Variants in ASB3 observed in about 807,000 individuals in gnomAD.
ASB3 encodes the protein ankyrin repeat and SOCS box protein 3.
In ASB3, 41 loss-of-function variants were observed where a neutral mutation model predicts 54.5. The observed-to-expected ratio is 0.75, with a 90% CI of 0.59 to 0.98. ASB3 has a LOEUF of 0.98. Among genes scored for constraint, ASB3 ranks in the 50% least tolerant of loss-of-function variants. The pLI is 0.00. For synonymous variants in ASB3, 266 were observed against 221.2 expected, an observed-to-expected ratio of 1.20 and a Z score of -1.80; for missense variants, 733 against 620.0, an observed-to-expected ratio of 1.18 and a Z score of -1.94.
intron 6 of ASB3, among the ~76,000 whole-genome samples, chr2:53,716,298 G>C (rs779205957): frequency 6.5e-4 from 99 of 152,126 alleles, no homozygotes; most frequent in Non-Finnish European, 2.1e-4. Context: ...GCCATAACTA[G>C]AGAAATCAAT....
intron 9 of ASB3, among the ~76,000 whole-genome samples, chr2:53,670,934 C>T (rs1487481845): frequency 4.9e-4 from 74 of 152,260 alleles, no homozygotes; most frequent in Non-Finnish European, 4.4e-5. Flanking sequence ...GCCGCAAACA[C>T]TAAATGCTCA....
chr2:53,726,204 C>T (rs902347253), intron 5 of ASB3, among the ~76,000 whole-genome samples: 2 of 150,834 alleles, frequency 1.3e-5, no homozygotes, highest in Non-Finnish European at 3.0e-5. Context: ...GACAAGAAAA[C>T]ACACCTGACA....
At chr2:53,744,648 CCAAAG>C (rs1486020180) in intron 3 of ASB3, among the ~76,000 whole-genome samples, 12 of 151,920 alleles carry the variant, frequency 7.9e-5, no homozygotes, top group East Asian at 3.9e-4. Flanking sequence ...AAAAAAACCT[CCAAAG>C]CAAAGTTTTA....
At chr2:53,735,254 C>A (rs1224196298) in intron 3 of ASB3, among the ~76,000 whole-genome samples, 1 of 152,022 alleles carries the variant, frequency 6.6e-6, no homozygotes, top group Non-Finnish European at 1.5e-5. Context: ...TTGTTCAATT[C>A]TGAAACGTTA....
chr2:53,687,965 T>C (rs1668718901), intron 9 of ASB3, among the ~76,000 whole-genome samples: 2 of 152,086 alleles, frequency 1.3e-5, no homozygotes, highest in Non-Finnish European at 2.9e-5. Context: ...CTACAGTCAT[T>C]CACCACCATG....
At chr2:53,675,067 T>G (rs1313393304) in intron 9 of ASB3, among the ~76,000 whole-genome samples, 6 of 152,168 alleles carry the variant, frequency 3.9e-5, no homozygotes, top group Non-Finnish European at 8.8e-5. Flanking sequence ...TTCAGTTACC[T>G]TTCCATAAAA....
At chr2:53,741,515 G>A (rs1328041391) in intron 3 of ASB3, among the ~76,000 whole-genome samples, 1 of 152,172 alleles carries the variant, frequency 6.6e-6, no homozygotes, top group African/African-American at 2.4e-5. Context: ...TTTATATAAT[G>A]GTTCAAGCTT....
intron 5 of ASB3, among the ~76,000 whole-genome samples, chr2:53,724,733 G>A (rs559648692): frequency 7.2e-5 from 11 of 152,102 alleles, no homozygotes; most frequent in African/African-American, 2.7e-4. Context: ...ACCACAATGA[G>A]ATATAATCTT....
At position 53,758,337 on chromosome 2, in the gene ASB3, CA is replaced by C. The variant is rs1272408071; in HGVS notation, c.196+7039del. Among the ~76,000 whole-genome samples, 3 of 152,252 alleles carry C rather than the reference CA, an allele frequency of 2.0e-5. No individual in the cohort carries two copies. The East Asian group carries it at 5.8e-4, about 29-fold the overall frequency. Reference sequence around the variant, plus strand: ...CCGGCAAGGACTTAATCCGGGGCAACAAAAAGTTTAAGATTGATAATTAGGG... The same window carrying C: ...CCGGCAAGGACTTAATCCGGGGCAACAAAAGTTTAAGATTGATAATTAGGG... On this transcript the variant is annotated intron_variant, in intron 2 of 9. Transcript: ENST00000263634.
rs142473697 is a variant in ASB3, at chr2:53,671,353, C to CGTGTGTGTGTGT, written c.1370-675_1370-664dup. On this transcript the variant is annotated intron_variant, in intron 9 of 9. Coordinates refer to ENST00000263634, the MANE Select transcript of ASB3 (RefSeq NM_016115.5). ...AACTCAGATCTATCTGAACCCAAAG[C>CGTGTGTGTGTGT]GTGTGTGTGTGTGTGTGTGTGTGTG... Among the ~76,000 whole-genome samples the CGTGTGTGTGTGT allele has an allele frequency of 1.1e-3, 152 of 142,598 alleles. 1 individual carries two copies. Among genetic ancestry groups the CGTGTGTGTGTGT allele is most frequent in the African/African-American group, 3.2e-3 (125 of 38,546 alleles). The allele number at this position is 142,598 out of a possible 152,430, so 93.5% of individuals were successfully genotyped here. A position where few individuals can be genotyped will look rare whatever the true frequency, so the allele number is the denominator to read the frequency against.
Position 53,750,828 on chromosome 2 carries a change from C to G in ASB3, c.310G>C (p.Asp104His). The G allele has an allele frequency of 1.2e-6, 2 of 1,600,516 alleles. No individual in the cohort carries two copies. The highest frequency in any genetic ancestry group is 2.3e-5 in the South Asian group (2 of 87,204). Reference sequence around the variant, plus strand: ...TCTTCTAAAGTAGTTGCATTAGGATCTGCCCCAGCTTCTAAAAGAATCTGT... The same window carrying G: ...TCTTCTAAAGTAGTTGCATTAGGATGTGCCCCAGCTTCTAAAAGAATCTGT... Reference protein sequence around the residue: ...IVQILLEAGADPNATTLEETT... With the variant: ...IVQILLEAGAHPNATTLEETT... The change falls in exon 3 of 10, where the codon GAT becomes CAT. Residue 104 changes from aspartate to histidine, a missense_variant. Physicochemically the swap from Asp to His is moderately conservative, Grantham distance 81 (BLOSUM62 -1). Coordinates refer to ENST00000263634, the MANE Select transcript of ASB3 (RefSeq NM_016115.5).
At chr2:53,732,258 G>A (rs1459870013) in intron 3 of ASB3, among the ~76,000 whole-genome samples, 1 of 151,884 alleles carries the variant, frequency 6.6e-6, no homozygotes, top group African/African-American at 2.4e-5. Flanking sequence ...ACTGCACCTG[G>A]CCCCACAACA....
At position 53,697,854 on chromosome 2, in the gene ASB3, T is replaced by C. The variant is rs912495926; in HGVS notation, c.1238+2417A>G. On this transcript the variant is annotated intron_variant, in intron 8 of 9. Coordinates refer to ENST00000263634, the MANE Select transcript of ASB3 (RefSeq NM_016115.5). ...GGAAGCTCCACCCCTATGACTTTGCTAGGCTCAGTCCCACCCCTATGGCGC... is the reference window on the plus strand; with the variant it reads ...GGAAGCTCCACCCCTATGACTTTGCCAGGCTCAGTCCCACCCCTATGGCGC... Among the ~76,000 whole-genome samples, 6 of 152,174 alleles carry C rather than the reference T, an allele frequency of 3.9e-5. 1 individual carries two copies. Among genetic ancestry groups the C allele is most frequent in the Admixed American group, 3.9e-4 (6 of 15,272 alleles).
At chr2:53,702,392 C>G (rs981584625) in intron 7 of ASB3, among the ~76,000 whole-genome samples, 3 of 152,124 alleles carry the variant, frequency 2.0e-5, no homozygotes, top group African/African-American at 7.2e-5. Flanking sequence ...CTCTATATGA[C>G]CTTGATTATT....
chr2:53,700,850 T>C (rs1669451836), intron 7 of ASB3, among the ~76,000 whole-genome samples: 1 of 152,246 alleles, frequency 6.6e-6, no homozygotes, highest in African/African-American at 2.4e-5. Flanking sequence ...GTATCTTTAC[T>C]ACAAAATACT....
chr2:53,731,370 G>A (rs1671301734), intron 3 of ASB3, among the ~76,000 whole-genome samples: 2 of 152,060 alleles, frequency 1.3e-5, no homozygotes, highest in Admixed American at 1.3e-4. Flanking sequence ...TTGCTGCACT[G>A]CACTCCAGCC....
intron 8 of ASB3, among the ~76,000 whole-genome samples, chr2:53,695,495 T>G (rs567728355): frequency 3.9e-5 from 6 of 152,256 alleles, no homozygotes; most frequent in African/African-American, 1.2e-4. Flanking sequence ...TTATTTTTTT[T>G]TTTAACGATT....
chr2:53,750,081 T>C (rs1233135959), intron 3 of ASB3, among the ~76,000 whole-genome samples: 1 of 152,014 alleles, frequency 6.6e-6, no homozygotes, highest in Non-Finnish European at 1.5e-5. Context: ...AGTAAATAAA[T>C]AAATATACAA....
At chr2:53,700,666 T>G in intron 7 of ASB3, 138 bp from the exon 8 acceptor site, 1 of 1,252,364 alleles carries the variant, frequency 8.0e-7, no homozygotes, top group Non-Finnish European at 1.1e-6. Flanking sequence ...ACACATCTAG[T>G]GGATTGAGAT....
Sources: gnomAD v4.1 joint callset for allele counts (sites outside exome capture counted in the v4.1 genomes callset) on GRCh38, gnomAD v4.1.1 for gene constraint, MANE v1.5 for transcripts, NCBI Gene and HGNC (gene_info 2026-07-23, HGNC 2026-07-21) for gene names.